The following HTRA1 variants were observed in gnomAD, a reference collection of about 807,000 sequenced individuals.
HTRA1 encodes the protein HtrA serine peptidase 1.
In HTRA1, 26 loss-of-function variants were observed where a neutral mutation model predicts 49.7. The ratio of observed to expected loss-of-function variants is 0.52; its 90% CI spans 0.38 to 0.73. HTRA1 has a LOEUF of 0.73. Ranked by LOEUF, HTRA1 falls within the 30% of genes least tolerant of loss-of-function variation. The probability of loss-of-function intolerance (pLI) is 0.00; values close to 1 mark genes in which losing one functional copy is unlikely to be tolerated. For missense variants in HTRA1, 561 were observed against 667.2 expected (o/e 0.84, Z 1.75); for synonymous variants, 291 against 286.9 (o/e 1.01, Z -0.14).
intron 6 of HTRA1, among the ~76,000 whole-genome samples, chr10:122,509,679 C>A (rs1392570952): frequency 1.3e-5 from 2 of 152,070 alleles, no homozygotes; most frequent in Admixed American, 1.3e-4. Context: ...CTGATGGCTG[C>A]GGGGAGTCTG....
At chr10:122,496,609 G>A (rs988746989) in intron 3 of HTRA1, among the ~76,000 whole-genome samples, 1 of 152,140 alleles carries the variant, frequency 6.6e-6, no homozygotes, top group Admixed American at 6.5e-5. Context: ...AAGCAAACAA[G>A]TGAAGGGGTA....
At chr10:122,508,189 G>A (rs2097504010) in intron 5 of HTRA1, among the ~76,000 whole-genome samples, 1 of 152,194 alleles carries the variant, frequency 6.6e-6, no homozygotes, top group Non-Finnish European at 1.5e-5. Flanking sequence ...TCCCCGCGCA[G>A]CACTTGGGGA....
chr10:122,489,830 C>G (rs899062969), intron 3 of HTRA1, among the ~76,000 whole-genome samples: 1 of 151,518 alleles, frequency 6.6e-6, no homozygotes, highest in Admixed American at 6.6e-5. Context: ...CTGTAAGGAG[C>G]CAGATAAAAG....
At chr10:122,489,344 C>T in intron 2 of HTRA1, 78 bp from the exon 3 acceptor site, 1 of 1,302,302 alleles carries the variant, frequency 7.7e-7, no homozygotes. Flanking sequence ...GTGGCTGTTG[C>T]ACAACCCATT....
chr10:122,464,694 C>T lies in HTRA1; in HGVS notation c.472+2570C>T, dbSNP rs1465867541. Among the ~76,000 whole-genome samples the T allele has an allele frequency of 1.3e-5, 2 of 152,222 alleles. No homozygotes were observed. Among genetic ancestry groups the T allele is most frequent in the Non-Finnish European group, 2.9e-5 (2 of 68,042 alleles). On this transcript the variant is annotated intron_variant, in intron 1 of 8. Transcript: ENST00000368984. The surrounding 1 kb of genome is among the most constrained non-coding windows in gnomAD (Gnocchi z 4.8). ...TTTCGGAGGTGTTTCCGAGGACAGG[C>T]GCCTGGGAGCCAGCAGACTTCATTC...
chr10:122,508,655 G>A lies in HTRA1; in HGVS notation c.1006-1G>A, dbSNP rs2097504259. ...TAAGCCGTGTCCTTCTTGCTTTTCA[G>A]GACGGTGAAGTGATTGGAATTAACA... On this transcript the variant is annotated splice_acceptor_variant, in intron 5 of 8. Transcript: ENST00000368984. LOFTEE classifies it high-confidence loss of function. 2 of 1,596,394 alleles carry A rather than the reference G, an allele frequency of 1.3e-6. No homozygotes were observed. Among genetic ancestry groups the A allele is most frequent in the East Asian group, 2.2e-5 (1 of 44,796 alleles).
chr10:122,473,265 C>T (rs1261294137), intron 1 of HTRA1, among the ~76,000 whole-genome samples: 1 of 152,144 alleles, frequency 6.6e-6, no homozygotes, highest in Non-Finnish European at 1.5e-5. Context: ...ACTCGTGTCT[C>T]AGGCGAGCAG....
chr10:122,505,636 C>A (rs2133448662), intron 3 of HTRA1, among the ~76,000 whole-genome samples: 1 of 152,308 alleles, frequency 6.6e-6, no homozygotes, highest in South Asian at 2.1e-4. Context: ...CCACCTGCCC[C>A]ACCCCACTGG....
intron 3 of HTRA1, among the ~76,000 whole-genome samples, chr10:122,491,497 A>C (rs1302497289): frequency 6.6e-6 from 1 of 152,216 alleles, no homozygotes; most frequent in Non-Finnish European, 1.5e-5. Flanking sequence ...GCAGCAGGGC[A>C]TGGGCTGTGT....
rs2097495094 is a variant in HTRA1, at chr10:122,490,177, A to G, written c.777+551A>G. Among the ~76,000 whole-genome samples the G allele has an allele frequency of 6.6e-6, 1 of 152,156 alleles. No homozygotes were observed. The highest frequency in any genetic ancestry group is 2.4e-5 in the African/African-American group (1 of 41,436). On this transcript the variant is annotated intron_variant, in intron 3 of 8. Coordinates refer to ENST00000368984, the MANE Select transcript of HTRA1 (RefSeq NM_002775.5). The surrounding 1 kb of genome is among the most constrained non-coding windows in gnomAD (Gnocchi z 4.2). ...ACTTGAATTAAAACAGAGCTAATGGATTTCTTCTTTCCAGACCTTCTCAGA... is the reference window on the plus strand; with the variant it reads ...ACTTGAATTAAAACAGAGCTAATGGGTTTCTTCTTTCCAGACCTTCTCAGA...
At position 122,512,052 on chromosome 10, in the gene HTRA1, A is replaced by G. The variant is rs760088401; in HGVS notation, c.1261A>G (p.Thr421Ala). The G allele has an allele frequency of 6.2e-7, 1 of 1,610,472 alleles. No homozygotes were observed. Among genetic ancestry groups the G allele is most frequent in the South Asian group, 1.1e-5 (1 of 91,000 alleles). ...GAYIIEVIPD[T>A]PAEAGGLKEN... ...GTATATAATTGAAGTAATTCCTGAT[A>G]CCCCAGCAGAAGCGTGAGTTGGAGT... is the stretch of plus-strand genomic sequence containing the variant. Residue 421 changes from threonine to alanine, a missense_variant, in exon 8 of 9, where the codon ACC becomes GCC. By Grantham distance (58) the Thr-to-Ala change is moderately conservative. Transcript: ENST00000368984.
rs544456263 is a variant in HTRA1 at position 122,494,738 on chromosome 10, C to G, written c.777+5112C>G. ...GAGGGAGCCCTCTGGGCGCTGGGGC[C>G]GCTGTGTTTGCAGAGGGTCCTCTTA... On this transcript the variant is annotated intron_variant, in intron 3 of 8. Transcript: ENST00000368984. The surrounding 1 kb of genome is among the most constrained non-coding windows in gnomAD (Gnocchi z 4.0). Among the ~76,000 whole-genome samples, 55 of 152,260 alleles carry G rather than the reference C, an allele frequency of 3.6e-4. No homozygotes were observed. The highest frequency in any genetic ancestry group is 1.2e-3 in the African/African-American group (51 of 41,556).
chr10:122,497,003 C>T (rs766514499), intron 3 of HTRA1, among the ~76,000 whole-genome samples: 16 of 152,170 alleles, frequency 1.1e-4, no homozygotes, highest in Admixed American at 8.5e-4. Context: ...CACAATGATA[C>T]GATCACCTCT....
At chr10:122,469,898 T>G (rs1365283851) in intron 1 of HTRA1, among the ~76,000 whole-genome samples, 1 of 152,262 alleles carries the variant, frequency 6.6e-6, no homozygotes, top group Non-Finnish European at 1.5e-5. Flanking sequence ...ATCTTTCTGT[T>G]ATTAATTTCT....
At chr10:122,474,482 C>G (rs2097487554) in intron 1 of HTRA1, among the ~76,000 whole-genome samples, 5 of 152,170 alleles carry the variant, frequency 3.3e-5, no homozygotes. Flanking sequence ...CCTCCTGCAC[C>G]AGGGGGGCAG....
chr10:122,468,031 A>T (rs2097484469), intron 1 of HTRA1, among the ~76,000 whole-genome samples: 1 of 152,206 alleles, frequency 6.6e-6, no homozygotes, highest in Non-Finnish European at 1.5e-5. Context: ...GTCAGTGCTG[A>T]GAGTTCCATT....
chr10:122,502,851 C>A (rs983622887), intron 3 of HTRA1, among the ~76,000 whole-genome samples: 7 of 152,258 alleles, frequency 4.6e-5, no homozygotes, highest in African/African-American at 1.7e-4. Context: ...TTTGCCCCGT[C>A]ACTGCAGTCA....
chr10:122,472,660 G>C (rs1434174534), intron 1 of HTRA1, among the ~76,000 whole-genome samples: 2 of 152,140 alleles, frequency 1.3e-5, no homozygotes, highest in Non-Finnish European at 2.9e-5. Flanking sequence ...CTCCCAAAGT[G>C]TGGGGATTAC....
chr10:122,512,613 G>A (rs955122231), intron 8 of HTRA1, among the ~76,000 whole-genome samples: 9 of 152,228 alleles, frequency 5.9e-5, no homozygotes, highest in Non-Finnish European at 4.4e-5. Context: ...ACCAGCAAAT[G>A]TGCCTTGGGG....
Sources: gnomAD v4.1 joint callset for allele counts (sites outside exome capture counted in the v4.1 genomes callset) on GRCh38, gnomAD v4.1.1 for gene constraint, Gnocchi (gnomAD v3.1) non-coding constraint, MANE v1.5 for transcripts, NCBI Gene and HGNC (gene_info 2026-07-23, HGNC 2026-07-21) for gene names.